PPFIA2: variants seen among roughly 807,000 people sequenced by gnomAD.
PPFIA2 encodes the protein liprin-alpha-2.
PPFIA2 carries 46 observed loss-of-function variants against 175.5 expected under a neutral mutation model. That is an observed-to-expected ratio of 0.26 (90% CI 0.21 to 0.34). The LOEUF is 0.34. PPFIA2 is among the 10% of genes least tolerant of loss of function. The pLI is 1.00. For missense variants in PPFIA2, 1,179 were observed against 1,506.1 expected, an observed-to-expected ratio of 0.78 and a Z score of 3.60; for synonymous variants, 568 against 511.4, an observed-to-expected ratio of 1.11 and a Z score of -1.49.
chr12:81,278,105 C>T (rs1376921459), intron 27 of PPFIA2, among the ~76,000 whole-genome samples: 1 of 152,060 alleles, frequency 6.6e-6, no homozygotes, highest in African/African-American at 2.4e-5. Context: ...GCTGAAAACC[C>T]ATGCTAGGAA....
chr12:81,604,436 G>T (rs769038927), intron 4 of PPFIA2, among the ~76,000 whole-genome samples: 4 of 151,114 alleles, frequency 2.6e-5, no homozygotes, highest in Admixed American at 1.3e-4. Flanking sequence ...AAAAAAAAAA[G>T]ATATGAAATG....
intron 4 of PPFIA2, among the ~76,000 whole-genome samples, chr12:81,596,638 G>A (rs974316338): frequency 7.2e-5 from 11 of 152,056 alleles, no homozygotes; most frequent in African/African-American, 2.4e-4. Context: ...TAAACTTTAA[G>A]AGACTGAAGT....
intron 3 of PPFIA2, among the ~76,000 whole-genome samples, chr12:81,742,239 G>T (rs2082411857): frequency 6.6e-6 from 1 of 152,178 alleles, no homozygotes; most frequent in African/African-American, 2.4e-5. Context: ...GAGCAGATAT[G>T]AAACAAACTC....
chr12:81,261,850 T>A (rs1341213294), intron 32 of PPFIA2, 99 bp downstream of exon 32: 2 of 751,426 alleles, frequency 2.7e-6, no homozygotes, highest in Non-Finnish European at 4.2e-6. Context: ...ATTTCTGTAC[T>A]GCTAGGGCAT....
At chr12:81,465,538 A>G (rs1486664335) in intron 4 of PPFIA2, among the ~76,000 whole-genome samples, 3 of 152,110 alleles carry the variant, frequency 2.0e-5, no homozygotes, top group Non-Finnish European at 4.4e-5. Flanking sequence ...TAGGCCCCTC[A>G]TTTACTGTAG....
chr12:81,534,102 G>A (rs565124523), intron 4 of PPFIA2, among the ~76,000 whole-genome samples: 1 of 151,728 alleles, frequency 6.6e-6, no homozygotes, highest in South Asian at 2.1e-4. Flanking sequence ...ACTCATATGT[G>A]TGAGCTAAAA....
chr12:81,368,207 C>A, intron 13 of PPFIA2: 4 of 1,229,544 alleles, frequency 3.3e-6, no homozygotes, highest in Non-Finnish European at 3.2e-6. Flanking sequence ...ACATTGCAGA[C>A]TGTACAGAAG....
rs555489604 is a variant in PPFIA2 at position 81,283,126 on chromosome 12, A to G, written c.2989-87T>C. 33 of 1,216,276 alleles carry G rather than the reference A, an allele frequency of 2.7e-5. No homozygotes were observed. The African/African-American group carries it at 3.8e-4, about 14-fold the overall frequency. The allele number at this position is 1,216,276 out of a possible 1,614,324, so 75.3% of individuals were successfully genotyped here. On this transcript the variant is annotated intron_variant, in intron 25 of 32. Transcript: ENST00000549396. ...ACAGTAAAATTTTTCTAGCAGAAGC[A>G]AAATTGTTATACAAAATATTTTGTA...
At chr12:81,600,111 G>A (rs1399582374) in intron 4 of PPFIA2, among the ~76,000 whole-genome samples, 1 of 151,884 alleles carries the variant, frequency 6.6e-6, no homozygotes, top group African/African-American at 2.4e-5. Flanking sequence ...CAACAGGGTT[G>A]GTAAGAAATG....
chr12:81,325,094 TAATC>T (rs1268302949), intron 22 of PPFIA2, among the ~76,000 whole-genome samples: 1 of 151,920 alleles, frequency 6.6e-6, no homozygotes, highest in Non-Finnish European at 1.5e-5. Context: ...GGAAAAGAAA[TAATC>T]AACCAATAGA....
chr12:81,320,632 A>G (rs76328443), intron 22 of PPFIA2, among the ~76,000 whole-genome samples: 1 of 152,090 alleles, frequency 6.6e-6, no homozygotes, highest in Non-Finnish European at 1.5e-5. Context: ...CAGCATGGAT[A>G]TATGCTTTAC....
At chr12:81,563,907 T>C (rs1024842716) in intron 4 of PPFIA2, among the ~76,000 whole-genome samples, 1 of 152,206 alleles carries the variant, frequency 6.6e-6, no homozygotes, top group African/African-American at 2.4e-5. Context: ...TATGCTATAA[T>C]AGAGATATTT....
intron 3 of PPFIA2, among the ~76,000 whole-genome samples, chr12:81,726,551 G>A (rs905917703): frequency 6.6e-6 from 1 of 151,234 alleles, no homozygotes; most frequent in African/African-American, 2.4e-5. Context: ...GTATAAGTTT[G>A]GGAATGTTCA....
chr12:81,526,334 A>G (rs1462298899), intron 4 of PPFIA2, among the ~76,000 whole-genome samples: 1 of 152,150 alleles, frequency 6.6e-6, no homozygotes, highest in African/African-American at 2.4e-5. Flanking sequence ...TGTGGCTGTG[A>G]GCTTTTGCCT....
At chr12:81,544,833 C>T (rs1250243265) in intron 4 of PPFIA2, among the ~76,000 whole-genome samples, 2 of 152,150 alleles carry the variant, frequency 1.3e-5, no homozygotes, top group African/African-American at 4.8e-5. Flanking sequence ...GTCATTACTA[C>T]TGAAGAATTC....
chr12:81,311,992 C>A (rs1320458307), intron 22 of PPFIA2: 1 of 624,588 alleles, frequency 1.6e-6, no homozygotes, highest in African/African-American at 1.8e-5. Context: ...TTTCTCTGAA[C>A]CAATGATTCC....
At chr12:81,442,062 GT>G (rs925133366) in intron 6 of PPFIA2, among the ~76,000 whole-genome samples, 31 of 151,894 alleles carry the variant, frequency 2.0e-4, no homozygotes, top group African/African-American at 7.3e-4. Context: ...GTTCCAAACT[GT>G]TTTCTATTTA....
intron 17 of PPFIA2, chr12:81,350,500 G>C (rs143888108): frequency 3.3e-5 from 5 of 152,262 alleles, no homozygotes; most frequent in African/African-American, 1.2e-4. Flanking sequence ...TGAAATGTTA[G>C]GGTAGAAGGG....
chr12:81,521,204 GA>G (rs78463729), intron 4 of PPFIA2, among the ~76,000 whole-genome samples: 103 of 138,556 alleles, frequency 7.4e-4, no homozygotes, highest in Middle Eastern at 3.6e-3. Flanking sequence ...GGAATCACGA[GA>G]AAAAAAAAAA....
Sources: allele counts gnomAD v4.1 joint callset (sites outside exome capture counted in the v4.1 genomes callset), GRCh38; gene constraint gnomAD v4.1.1; transcripts MANE v1.5; gene names NCBI Gene and HGNC (gene_info 2026-07-23, HGNC 2026-07-21).